EHBP1: variants seen among roughly 807,000 people sequenced by gnomAD.
EHBP1 encodes the protein EH domain binding protein 1, also known as EH domain-binding protein 1.
A neutral mutation model predicts 144.0 loss-of-function variants in EHBP1; 55 were observed. The ratio of observed to expected loss-of-function variants is 0.38; its 90% CI spans 0.31 to 0.48. EHBP1 has a LOEUF of 0.48. Ranked by LOEUF, EHBP1 falls within the 20% of genes least tolerant of loss-of-function variation. The pLI is 0.98. For missense variants in EHBP1, 1,200 were observed against 1,364.2 expected, an observed-to-expected ratio of 0.88 and a Z score of 1.90; for synonymous variants, 469 against 472.7, an observed-to-expected ratio of 0.99 and a Z score of 0.10.
At chr2:62,898,288 G>T (rs371041137) in intron 10 of EHBP1, among the ~76,000 whole-genome samples, 33 of 152,224 alleles carry the variant, frequency 2.2e-4, no homozygotes, top group African/African-American at 7.9e-4. Context: ...ATAAAATAAA[G>T]ATTTTTATTG....
At chr2:63,040,900 T>C (rs1009022285) in intron 21 of EHBP1, among the ~76,000 whole-genome samples, 6 of 152,226 alleles carry the variant, frequency 3.9e-5, no homozygotes, top group African/African-American at 1.4e-4. Context: ...GAATAGCCTT[T>C]TTAAGTGTTA....
chr2:62,974,722 A>C (rs941140891), intron 14 of EHBP1, among the ~76,000 whole-genome samples: 1 of 152,188 alleles, frequency 6.6e-6, no homozygotes, highest in Non-Finnish European at 1.5e-5. Context: ...CATGTGCTTC[A>C]TATCAAAAAA....
intron 10 of EHBP1, among the ~76,000 whole-genome samples, chr2:62,884,752 A>G (rs1008635919): frequency 1.3e-5 from 2 of 152,242 alleles, no homozygotes; most frequent in African/African-American, 4.8e-5. Flanking sequence ...GGACTTACTC[A>G]TCACAGGAAT....
In EHBP1 at chr2:62,695,031, A is replaced by G. The variant is rs1353288240; in HGVS notation, c.-295-11866A>G. ...GAGGAAAACGCCCAGCAGAATCATG[A>G]AATTCACAGTCCTAAAGCAATTCAA... On this transcript the variant is annotated intron_variant, in intron 1 of 22. Coordinates refer to the EHBP1 transcript ENST00000405015. Among the ~76,000 whole-genome samples the G allele has an allele frequency of 2.6e-5, 4 of 152,310 alleles. No individual in the cohort carries two copies. The South Asian group carries it at 6.2e-4, about 24-fold the overall frequency.
At chr2:62,994,781 C>T (rs2059565683) in intron 18 of EHBP1, among the ~76,000 whole-genome samples, 1 of 152,052 alleles carries the variant, frequency 6.6e-6, no homozygotes, top group African/African-American at 2.4e-5. Flanking sequence ...AAAATCTTCT[C>T]ATTTTAAGTT....
chr2:62,727,070 T>C (rs2036879968), intron 2 of EHBP1, among the ~76,000 whole-genome samples: 1 of 151,864 alleles, frequency 6.6e-6, no homozygotes, highest in Admixed American at 6.6e-5. Context: ...ACCATGTTGG[T>C]CAGGCTGGTC....
intron 9 of EHBP1, among the ~76,000 whole-genome samples, chr2:62,867,077 G>A (rs907856730): frequency 6.6e-5 from 10 of 151,934 alleles, no homozygotes; most frequent in African/African-American, 2.2e-4. Context: ...GGATTTACAC[G>A]AAGGAAAAAA....
chr2:62,844,292 G>A (rs553214494), intron 7 of EHBP1, among the ~76,000 whole-genome samples: 38 of 152,252 alleles, frequency 2.5e-4, no homozygotes, highest in South Asian at 1.4e-3. Context: ...ACTGTTCTGA[G>A]ACAGACTCCC....
chr2:62,981,704 T>A (rs550056636), intron 15 of EHBP1, among the ~76,000 whole-genome samples: 2 of 152,288 alleles, frequency 1.3e-5, no homozygotes, highest in East Asian at 3.9e-4. Context: ...AGATCTGAAT[T>A]TGCCATCATT....
intron 5 of EHBP1, among the ~76,000 whole-genome samples, chr2:62,821,302 C>G (rs2045963607): frequency 6.6e-6 from 1 of 152,064 alleles, no homozygotes; most frequent in Admixed American, 6.6e-5. Context: ...TTGTGGGGTT[C>G]ATAATAGATG....
intron 2 of EHBP1, among the ~76,000 whole-genome samples, chr2:62,745,964 G>A (rs2039112667): frequency 6.6e-6 from 1 of 152,074 alleles, no homozygotes; most frequent in Non-Finnish European, 1.5e-5. Flanking sequence ...AAAACTGTAA[G>A]ATAGCATTTC....
chr2:62,866,983 G>C (rs2050093564), intron 9 of EHBP1, among the ~76,000 whole-genome samples: 1 of 151,910 alleles, frequency 6.6e-6, no homozygotes, highest in Admixed American at 6.6e-5. Flanking sequence ...AGGACTGAAG[G>C]AAAAGTATAA....
intron 12 of EHBP1, among the ~76,000 whole-genome samples, chr2:62,947,917 A>G (rs1408010679): frequency 6.6e-6 from 1 of 152,110 alleles, no homozygotes; most frequent in African/African-American, 2.4e-5. Flanking sequence ...TGGAAAAGAG[A>G]GGTTGATAGA....
At chr2:62,729,484 T>G (rs1341607890) in intron 2 of EHBP1, among the ~76,000 whole-genome samples, 1 of 104,140 alleles carries the variant, frequency 9.6e-6, no homozygotes, top group Non-Finnish European at 1.8e-5. Context: ...AAAATATATA[T>G]AAATATATAA....
At chr2:62,910,968 C>T (rs2054169891) in intron 10 of EHBP1, among the ~76,000 whole-genome samples, 1 of 152,136 alleles carries the variant, frequency 6.6e-6, no homozygotes, top group Admixed American at 6.5e-5. Flanking sequence ...GCTAATAATG[C>T]TTTTTGATCT....
At chr2:62,692,169 A>G (rs1156454429) in intron 1 of EHBP1, among the ~76,000 whole-genome samples, 2 of 152,310 alleles carry the variant, frequency 1.3e-5, no homozygotes, top group Non-Finnish European at 2.9e-5. Context: ...CACTTAACAT[A>G]GTTTTCAAGG....
chr2:62,714,296 T>A (rs1017215961), intron 2 of EHBP1, among the ~76,000 whole-genome samples: 1 of 152,156 alleles, frequency 6.6e-6, no homozygotes, highest in Admixed American at 6.5e-5. Context: ...GCAGCTAGTG[T>A]TTAGGGAATA....
chr2:62,810,018 A>C (rs1357938804), intron 5 of EHBP1, among the ~76,000 whole-genome samples: 1 of 152,240 alleles, frequency 6.6e-6, no homozygotes, highest in African/African-American at 2.4e-5. Context: ...TTACAGAATG[A>C]TACACAACTT....
chr2:62,723,030 T>C (rs1190110336), intron 2 of EHBP1, among the ~76,000 whole-genome samples: 1 of 152,174 alleles, frequency 6.6e-6, no homozygotes, highest in East Asian at 1.9e-4. Flanking sequence ...GTCCATTTGA[T>C]CCAGTGCTGG....
Sources: allele counts gnomAD v4.1 joint callset (sites outside exome capture counted in the v4.1 genomes callset), GRCh38; gene constraint gnomAD v4.1.1; transcripts MANE v1.5; gene names NCBI Gene and HGNC (gene_info 2026-07-23, HGNC 2026-07-21).